Variants in AP3S2 observed in about 807,000 individuals in gnomAD.
AP3S2 encodes the protein adaptor related protein complex 3 subunit sigma 2.
A neutral mutation model predicts 23.4 loss-of-function variants in AP3S2; 22 were observed. The observed-to-expected ratio is 0.94, with a 90% CI of 0.67 to 1.34. The LOEUF (loss-of-function observed/expected upper bound fraction) is 1.34. Among genes scored for constraint, AP3S2 ranks in the 40% most tolerant of loss-of-function variants. AP3S2 has a pLI of 0.00. For missense variants in AP3S2, 241 were observed against 236.9 expected (o/e 1.02, Z -0.11); for synonymous variants, 86 against 87.1 (o/e 0.99, Z 0.07).
chr15:89,878,749 T>C (rs1266467022), intron 3 of AP3S2, among the ~76,000 whole-genome samples: 1 of 152,070 alleles, frequency 6.6e-6, no homozygotes, highest in Non-Finnish European at 1.5e-5. Flanking sequence ...TGTTGCTGTT[T>C]CTTTGTTTGT....
chr15:89,864,064 G>C (rs1205334035), intron 4 of AP3S2, among the ~76,000 whole-genome samples: 1 of 152,132 alleles, frequency 6.6e-6, no homozygotes, highest in African/African-American at 2.4e-5. Flanking sequence ...CAGGAGATAT[G>C]AACAGTTATT....
chr15:89,880,237 T>C (rs1477829570), intron 3 of AP3S2, among the ~76,000 whole-genome samples: 1 of 152,102 alleles, frequency 6.6e-6, no homozygotes, highest in Non-Finnish European at 1.5e-5. Context: ...AATTCACTTC[T>C]AATTATAATT....
At chr15:89,877,362 A>G (rs779037751) in intron 3 of AP3S2, 60 of 1,295,792 alleles carry the variant, frequency 4.6e-5, no homozygotes, top group Non-Finnish European at 5.6e-5. Context: ...CTTGTTCCCA[A>G]AGAGCTAGTG....
At chr15:89,882,829 C>G (rs1010802235) in intron 3 of AP3S2, among the ~76,000 whole-genome samples, 1 of 152,150 alleles carries the variant, frequency 6.6e-6, no homozygotes, top group Non-Finnish European at 1.5e-5. Flanking sequence ...GTCCTTTTTC[C>G]CTAGAAATAT....
intron 4 of AP3S2, among the ~76,000 whole-genome samples, chr15:89,847,375 CAAAAAAAAAAAAA>C (rs11314336): frequency 2.6e-3 from 161 of 62,614 alleles, no homozygotes; most frequent in African/African-American, 9.4e-3. Flanking sequence ...GACCCTGTTA[CAAAAAAAAAAAAA>C]AAAAAAAAAA....
At chr15:89,868,935 C>T (rs1483422692) in intron 4 of AP3S2, among the ~76,000 whole-genome samples, 162 of 120,178 alleles carry the variant, frequency 1.3e-3, no homozygotes, top group Admixed American at 1.7e-3. Flanking sequence ...CCGCCCCGTC[C>T]GGGAGGGAGG....
intron 3 of AP3S2, among the ~76,000 whole-genome samples, chr15:89,886,316 G>A (rs1260909483): frequency 6.6e-6 from 1 of 152,040 alleles, no homozygotes; most frequent in Non-Finnish European, 1.5e-5. Flanking sequence ...CTGCACTCTA[G>A]ACTGGCAACA....
At position 89,833,934 on chromosome 15, in the gene AP3S2, A is replaced by T. The variant is rs1018276154; in HGVS notation, c.*1581T>A. 2.6e-5 allele frequency: 4 copies of T among 152,300 alleles called. No individual in the cohort carries two copies. The highest frequency in any genetic ancestry group is 9.6e-5 in the African/African-American group (4 of 41,484). The allele number at this position is 152,300 out of a possible 1,614,324, so 9.4% of individuals were successfully genotyped here. On this transcript the variant is annotated 3_prime_UTR_variant, in exon 6 of 6. Transcript: ENST00000336418. ...CAGGAGGCTGAGGGTCCCCAGCCAG[A>T]AGGCCCAAGAGGGGCCCAGGCTGGA...
chr15:89,860,533 A>G (rs1895988646), intron 4 of AP3S2, among the ~76,000 whole-genome samples: 2 of 152,190 alleles, frequency 1.3e-5, no homozygotes, highest in Admixed American at 1.3e-4. Flanking sequence ...TCAGAATGGC[A>G]TGCAATTTAA....
At chr15:89,875,403 T>C (rs544991843) in intron 3 of AP3S2, among the ~76,000 whole-genome samples, 1 of 152,194 alleles carries the variant, frequency 6.6e-6, no homozygotes, top group Admixed American at 6.5e-5. Flanking sequence ...ACTCAAAATA[T>C]TATTCAAGAT....
At chr15:89,874,329 T>C (rs1285892055) in intron 3 of AP3S2, among the ~76,000 whole-genome samples, 1 of 152,186 alleles carries the variant, frequency 6.6e-6, no homozygotes, top group Admixed American at 6.6e-5. Context: ...CCCACCTCCA[T>C]GGTTATTTGC....
At chr15:89,886,969 T>C (rs1896715441) in intron 3 of AP3S2, among the ~76,000 whole-genome samples, 1 of 152,164 alleles carries the variant, frequency 6.6e-6, no homozygotes, top group African/African-American at 2.4e-5. Flanking sequence ...TAATTTTTTG[T>C]ATTTTTAGTA....
intron 3 of AP3S2, among the ~76,000 whole-genome samples, chr15:89,887,576 T>C (rs1036845965): frequency 2.0e-5 from 3 of 152,132 alleles, no homozygotes; most frequent in Admixed American, 6.6e-5. Flanking sequence ...TTCACCACAT[T>C]GGTCAGGCTG....
intron 4 of AP3S2, among the ~76,000 whole-genome samples, chr15:89,864,318 C>CA (rs1454473971): frequency 8.6e-5 from 13 of 151,842 alleles, no homozygotes; most frequent in African/African-American, 1.7e-4. Flanking sequence ...AATGATGATG[C>CA]AAAAAAATCA....
intron 4 of AP3S2, among the ~76,000 whole-genome samples, chr15:89,866,973 CCT>C (rs1286645565): frequency 6.7e-6 from 1 of 149,076 alleles, no homozygotes; most frequent in African/African-American, 2.5e-5. Context: ...GAAAACTCCC[CCT>C]TTTCCCCTCT....
At position 89,888,614 on chromosome 15, in the gene AP3S2, G is replaced by A. The variant is rs1198992497; in HGVS notation, c.180C>T (p.Asp60=). ...LEGGSLIGGS[D]YKLIYRHYAT... Reference sequence around the variant, plus strand: ...CATAGTGCCGGTAGATCAGTTTGTAGTCAGAGCCACCAATCAAACTGCAGA... The same window carrying A: ...CATAGTGCCGGTAGATCAGTTTGTAATCAGAGCCACCAATCAAACTGCAGA... Residue 60 remains aspartate (D), a synonymous_variant, in exon 3 of 6, where the codon GAC becomes GAT. Coordinates refer to ENST00000336418, the MANE Select transcript of AP3S2 (RefSeq NM_005829.5). 6.2e-7 allele frequency: 1 copy of A among 1,614,014 alleles called. No homozygotes were observed. The highest frequency in any genetic ancestry group is 2.2e-5 in the East Asian group (1 of 44,902).
chr15:89,837,847 C>T lies in AP3S2; in HGVS notation c.346-125G>A, dbSNP rs1441881704. Reference sequence around the variant, plus strand: ...GACCTGTCCTGACTCACAACTCAGACACTCAAACCCCCCTGCCCAGTGACA... The same window carrying T: ...GACCTGTCCTGACTCACAACTCAGATACTCAAACCCCCCTGCCCAGTGACA... On this transcript the variant is annotated intron_variant, in intron 4 of 5. Transcript: ENST00000336418. The T allele has an allele frequency of 7.3e-6, 8 of 1,092,610 alleles. No individual in the cohort carries two copies. The East Asian group carries it at 2.1e-4, about 29-fold the overall frequency. The allele number at this position is 1,092,610 out of a possible 1,614,324, so 67.7% of individuals were successfully genotyped here.
intron 3 of AP3S2, among the ~76,000 whole-genome samples, chr15:89,874,974 A>G (rs1047666967): frequency 6.6e-6 from 1 of 152,242 alleles, no homozygotes; most frequent in Non-Finnish European, 1.5e-5. Context: ...GGGGAAAAAT[A>G]AAGTTACATA....
At chr15:89,886,963 T>G (rs1046907929) in intron 3 of AP3S2, among the ~76,000 whole-genome samples, 1 of 152,106 alleles carries the variant, frequency 6.6e-6, no homozygotes, top group Non-Finnish European at 1.5e-5. Flanking sequence ...CCCAGCTAAT[T>G]TTTTGTATTT....
Sources: gnomAD v4.1 joint callset for allele counts (sites outside exome capture counted in the v4.1 genomes callset) on GRCh38, gnomAD v4.1.1 for gene constraint, MANE v1.5 for transcripts, NCBI Gene and HGNC (gene_info 2026-07-23, HGNC 2026-07-21) for gene names.